The following PHLDB2 variants were observed in gnomAD, a reference collection of about 807,000 sequenced individuals.
PHLDB2 encodes pleckstrin homology-like domain family B member 2.
In PHLDB2, 71 loss-of-function variants were observed where a neutral mutation model predicts 123.6. The ratio of observed to expected loss-of-function variants is 0.57; its 90% CI spans 0.47 to 0.70. PHLDB2 has a LOEUF of 0.70. Among genes scored for constraint, PHLDB2 ranks in the 30% least tolerant of loss-of-function variants. The pLI is 0.00. For missense variants in PHLDB2, 1,446 were observed against 1,519.5 expected (o/e 0.95, Z 0.80); for synonymous variants, 547 against 541.6 (o/e 1.01, Z -0.14).
chr3:111,968,367 T>C (rs1369589516), intron 15 of PHLDB2, among the ~76,000 whole-genome samples: 2 of 152,328 alleles, frequency 1.3e-5, no homozygotes, highest in Non-Finnish European at 2.9e-5. Flanking sequence ...GCTACAGTAG[T>C]CCTCAACACC....
At chr3:111,799,186 G>C (rs1576642559) in intron 1 of PHLDB2, among the ~76,000 whole-genome samples, 1 of 152,132 alleles carries the variant, frequency 6.6e-6, no homozygotes, top group East Asian at 1.9e-4. Flanking sequence ...GACACCTAGG[G>C]ATTATGGGAA....
intron 1 of PHLDB2, among the ~76,000 whole-genome samples, chr3:111,825,875 G>A (rs1189209226): frequency 4.6e-5 from 7 of 152,214 alleles, no homozygotes; most frequent in African/African-American, 1.4e-4. Context: ...AAATAAGGTT[G>A]AAATAAAATC....
At chr3:111,739,360 GCCA>G (rs2059559586) in intron 1 of PHLDB2, among the ~76,000 whole-genome samples, 2 of 152,048 alleles carry the variant, frequency 1.3e-5, no homozygotes. Context: ...ACGCCTGTGT[GCCA>G]CTAATGCAAG....
chr3:111,792,619 A>G (rs2060977302), intron 1 of PHLDB2, among the ~76,000 whole-genome samples: 1 of 152,186 alleles, frequency 6.6e-6, no homozygotes, highest in African/African-American at 2.4e-5. Context: ...AGGTGGAAGG[A>G]TCATTTGAGC....
chr3:111,794,659 T>C (rs2061076410), intron 1 of PHLDB2, among the ~76,000 whole-genome samples: 1 of 152,076 alleles, frequency 6.6e-6, no homozygotes, highest in Non-Finnish European at 1.5e-5. Context: ...TGTATAAGAG[T>C]ATGGATTTCA....
chr3:111,874,197 C>T (rs1313946842), intron 1 of PHLDB2, among the ~76,000 whole-genome samples: 1 of 152,052 alleles, frequency 6.6e-6, no homozygotes, highest in Non-Finnish European at 1.5e-5. Flanking sequence ...CTTCAGTGGG[C>T]TCCTTCATCA....
chr3:111,771,744 C>T (rs1379885724), intron 1 of PHLDB2, among the ~76,000 whole-genome samples: 2 of 152,132 alleles, frequency 1.3e-5, no homozygotes, highest in African/African-American at 2.4e-5. Flanking sequence ...TAGAGTCTAC[C>T]CTCATGACTT....
intron 1 of PHLDB2, among the ~76,000 whole-genome samples, chr3:111,841,698 C>A (rs916674169): frequency 6.6e-6 from 1 of 152,148 alleles, no homozygotes; most frequent in Non-Finnish European, 1.5e-5. Context: ...AAGACTCCTG[C>A]GTGTGGAGGA....
chr3:111,739,499 TGGA>T (rs1275221345), intron 1 of PHLDB2, among the ~76,000 whole-genome samples: 1 of 150,730 alleles, frequency 6.6e-6, no homozygotes, highest in East Asian at 1.9e-4. Flanking sequence ...TGTGTGTGTT[TGGA>T]GGAGGAGGAG....
At chr3:111,911,208 C>G (rs1011712691) in intron 2 of PHLDB2, among the ~76,000 whole-genome samples, 2 of 152,158 alleles carry the variant, frequency 1.3e-5, no homozygotes, top group African/African-American at 4.8e-5. Context: ...ACCTTAGAGC[C>G]CAGGTAATTG....
intron 1 of PHLDB2, among the ~76,000 whole-genome samples, chr3:111,803,505 C>T (rs961251703): frequency 4.6e-5 from 7 of 151,954 alleles, no homozygotes; most frequent in Admixed American, 3.9e-4. Flanking sequence ...AGAATTCGAG[C>T]TGTGAGAACA....
intron 2 of PHLDB2, among the ~76,000 whole-genome samples, chr3:111,904,289 A>AAAAAAAAAAAT (rs2067387731): frequency 6.6e-6 from 1 of 150,742 alleles, no homozygotes; most frequent in Non-Finnish European, 1.5e-5. Context: ...AAAAAAAAAA[A>AAAAAAAAAAAT]GGCCAAGGGT....
chr3:111,783,187 C>A (rs970893485), intron 1 of PHLDB2, among the ~76,000 whole-genome samples: 4 of 152,052 alleles, frequency 2.6e-5, no homozygotes, highest in African/African-American at 9.7e-5. Flanking sequence ...ATGGGAAAAT[C>A]TTTACTGTTC....
intron 1 of PHLDB2, 113 bp from the exon 2 acceptor site, chr3:111,883,950 TG>T: frequency 1.1e-6 from 1 of 951,320 alleles, no homozygotes; most frequent in Non-Finnish European, 1.6e-6. Flanking sequence ...AGTTTGTGTT[TG>T]TTAGTTGCAT....
At chr3:111,906,091 T>C (rs1050651013) in intron 2 of PHLDB2, among the ~76,000 whole-genome samples, 4 of 152,230 alleles carry the variant, frequency 2.6e-5, no homozygotes, top group Non-Finnish European at 5.9e-5. Context: ...GTGTTACAAT[T>C]GCCTACAACG....
chr3:111,831,915 C>T (rs4260399), intron 1 of PHLDB2, among the ~76,000 whole-genome samples: 4 of 152,120 alleles, frequency 2.6e-5, no homozygotes, highest in African/African-American at 9.7e-5. Flanking sequence ...GACAGATGTC[C>T]TAAGCTGGCC....
At chr3:111,902,625 A>G (rs1349460718) in intron 2 of PHLDB2, among the ~76,000 whole-genome samples, 1 of 152,150 alleles carries the variant, frequency 6.6e-6, no homozygotes, top group Non-Finnish European at 1.5e-5. Context: ...GGCAAGTAAC[A>G]GTAAATATTT....
intron 1 of PHLDB2, among the ~76,000 whole-genome samples, chr3:111,734,492 A>G (rs1267918437): frequency 6.6e-6 from 1 of 152,180 alleles, no homozygotes; most frequent in African/African-American, 2.4e-5. Context: ...ACAGACACAC[A>G]GGTCTGACCT....
chr3:111,745,369 A>T (rs1403524375), intron 1 of PHLDB2, among the ~76,000 whole-genome samples: 2 of 152,230 alleles, frequency 1.3e-5, no homozygotes, highest in Admixed American at 6.5e-5. Flanking sequence ...GCACTGATTT[A>T]TATTAATTGC....
Sources: gnomAD v4.1 joint callset for allele counts (sites outside exome capture counted in the v4.1 genomes callset) on GRCh38, gnomAD v4.1.1 for gene constraint, MANE v1.5 for transcripts, NCBI Gene and HGNC (gene_info 2026-07-23, HGNC 2026-07-21) for gene names.